The following STARD13 variants were observed in gnomAD, a reference collection of about 807,000 sequenced individuals.
STARD13 encodes stAR-related lipid transfer protein 13.
Under a neutral mutation model 106.4 loss-of-function variants are expected in STARD13, and 62 were observed. The observed-to-expected ratio is 0.58, with a 90% CI of 0.48 to 0.72. The LOEUF is 0.72. STARD13 is among the 30% of genes least tolerant of loss of function. The pLI, the probability that STARD13 is intolerant of heterozygous loss-of-function variation, is 0.00. For synonymous variants in STARD13, 565 were observed against 553.0 expected (o/e 1.02, Z -0.31); for missense variants, 1,387 against 1,424.0 (o/e 0.97, Z 0.42).
At chr13:33,493,165 A>C in the STARD13 span, among the ~76,000 whole-genome samples, 4 of 152,158 alleles carry the variant, frequency 2.6e-5, no homozygotes, top group Non-Finnish European at 5.9e-5. Flanking sequence ...TGGAACAGCT[A>C]AAAAGTTTGC....
At chr13:33,196,417 T>C (rs1247307139) in intron 1 of STARD13, among the ~76,000 whole-genome samples, 1 of 152,096 alleles carries the variant, frequency 6.6e-6, no homozygotes, top group Admixed American at 6.6e-5. Context: ...ATAAAATAAA[T>C]ATTTTTAAAG....
chr13:33,197,368 T>C (rs1399877970), intron 1 of STARD13, among the ~76,000 whole-genome samples: 3 of 152,042 alleles, frequency 2.0e-5, no homozygotes, highest in African/African-American at 7.3e-5. Flanking sequence ...TTGAAGAATA[T>C]AGCTATTTGG....
chr13:33,346,306 C>T (rs1050165952), downstream of STARD13, among the ~76,000 whole-genome samples: 3 of 152,198 alleles, frequency 2.0e-5, no homozygotes, highest in Admixed American at 2.0e-4. Context: ...AACCACCCAG[C>T]TAAACTCCCC....
chr13:33,144,223 T>G (rs913761978), intron 3 of STARD13, among the ~76,000 whole-genome samples: 2 of 152,218 alleles, frequency 1.3e-5, no homozygotes, highest in African/African-American at 4.8e-5. Flanking sequence ...TCAAAACCTG[T>G]TTCTCCTACG....
At chr13:33,508,564 T>C in the STARD13 span, among the ~76,000 whole-genome samples, 1 of 152,220 alleles carries the variant, frequency 6.6e-6, no homozygotes, top group Non-Finnish European at 1.5e-5. Context: ...AAGCGAACCC[T>C]AACCAATACA....
the STARD13 span, among the ~76,000 whole-genome samples, chr13:33,603,063 C>T: frequency 2.6e-5 from 4 of 152,096 alleles, no homozygotes; most frequent in African/African-American, 9.7e-5. Context: ...AAGGATCCCT[C>T]GGGCCAAGGA....
chr13:33,388,279 G>A, the STARD13 span, among the ~76,000 whole-genome samples: 1 of 150,674 alleles, frequency 6.6e-6, no homozygotes, highest in Non-Finnish European at 1.5e-5. Flanking sequence ...GGAAAACTGA[G>A]CAAAAACGAC....
chr13:33,643,453 A>G, the STARD13 span, among the ~76,000 whole-genome samples: 4 of 152,242 alleles, frequency 2.6e-5, no homozygotes, highest in African/African-American at 9.6e-5. Flanking sequence ...CCAAGCCAAC[A>G]GCCGGCTGGA....
chr13:33,350,543 C>T (rs781197375), exon 1 of STARD13: 43 of 1,435,448 alleles, frequency 3.0e-5, no homozygotes, highest in Non-Finnish European at 3.6e-5. Flanking sequence ...CCAATGCGGG[C>T]GCGACATGGG....
chr13:33,364,696 T>C, the STARD13 span, among the ~76,000 whole-genome samples: 42 of 152,188 alleles, frequency 2.8e-4, no homozygotes, highest in African/African-American at 9.9e-4. Flanking sequence ...GGGACCATCC[T>C]GGCTAACACG....
At chr13:33,170,834 A>C (rs189049781) in intron 1 of STARD13, among the ~76,000 whole-genome samples, 1 of 152,346 alleles carries the variant, frequency 6.6e-6, no homozygotes, top group Admixed American at 6.5e-5. Flanking sequence ...AGCTAGTGAC[A>C]AAACAAGCAA....
the STARD13 span, among the ~76,000 whole-genome samples, chr13:33,451,690 G>T: frequency 2.0e-5 from 3 of 152,138 alleles, no homozygotes; most frequent in South Asian, 4.1e-4. Context: ...TGTAAAAGAC[G>T]CTGAGATTGT....
chr13:33,446,407 C>A, the STARD13 span, among the ~76,000 whole-genome samples: 1 of 151,110 alleles, frequency 6.6e-6, no homozygotes, highest in South Asian at 2.1e-4. Flanking sequence ...CATATGACTA[C>A]GTGATGAAAG....
chr13:33,440,380 G>A, the STARD13 span, among the ~76,000 whole-genome samples: 2 of 151,834 alleles, frequency 1.3e-5, no homozygotes, highest in East Asian at 1.9e-4. Context: ...GCCACCAATA[G>A]TCTCCTTAGT....
chr13:33,475,695 C>T, the STARD13 span, among the ~76,000 whole-genome samples: 5 of 152,124 alleles, frequency 3.3e-5, no homozygotes, highest in Non-Finnish European at 5.9e-5. Context: ...GTGGTGGTCA[C>T]GCCTGTAATC....
intron 1 of STARD13, among the ~76,000 whole-genome samples, chr13:33,298,154 G>C (rs1892573144): frequency 9.4e-6 from 1 of 106,434 alleles, no homozygotes; most frequent in Non-Finnish European, 1.8e-5. Flanking sequence ...TTTTGAGATA[G>C]AGTCTCACTC....
intron 1 of STARD13, among the ~76,000 whole-genome samples, chr13:33,293,432 T>A: frequency 6.6e-6 from 1 of 152,358 alleles, no homozygotes; most frequent in East Asian, 1.9e-4. Context: ...CATATTTTTT[T>A]AGGCAATCAT....
the STARD13 span, among the ~76,000 whole-genome samples, chr13:33,672,496 C>T: frequency 1.3e-5 from 2 of 152,136 alleles, no homozygotes; most frequent in African/African-American, 4.8e-5. Context: ...CAAACCTGCA[C>T]GTTCTGCACA....
the STARD13 span, among the ~76,000 whole-genome samples, chr13:33,556,433 C>T: frequency 1.3e-5 from 2 of 151,964 alleles, no homozygotes; most frequent in African/African-American, 2.4e-5. Context: ...GGGGCGCCAC[C>T]TTTCCCAGCT....
Sources: gnomAD v4.1 joint callset for allele counts (sites outside exome capture counted in the v4.1 genomes callset) on GRCh38, gnomAD v4.1.1 for gene constraint, MANE v1.5 for transcripts, NCBI Gene and HGNC (gene_info 2026-07-23, HGNC 2026-07-21) for gene names.